The following GRM7 variants were observed in gnomAD, a reference collection of about 807,000 sequenced individuals.
The protein encoded by GRM7 is metabotropic glutamate receptor 7.
GRM7 carries 35 observed loss-of-function variants against 84.5 expected under a neutral mutation model. The observed-to-expected ratio is 0.41, with a 90% CI of 0.32 to 0.55. The LOEUF (loss-of-function observed/expected upper bound fraction) is 0.55. Ranked by LOEUF, GRM7 falls within the 20% of genes least tolerant of loss-of-function variation. GRM7 has a pLI of 0.19. For synonymous variants in GRM7, 487 were observed against 455.1 expected (o/e 1.07, Z -0.89); for missense variants, 1,003 against 1,194.6 (o/e 0.84, Z 2.36).
intron 1 of GRM7, among the ~76,000 whole-genome samples, chr3:6,988,163 AT>A (rs760807880): frequency 0.032 from 3,014 of 95,272 alleles, 45 homozygotes; most frequent in Non-Finnish European, 0.037. Flanking sequence ...CGCCTGGCTA[AT>A]TTTTTTTTTT....
At chr3:7,720,288 T>C (rs1701900585) in intron 9 of GRM7, among the ~76,000 whole-genome samples, 1 of 152,150 alleles carries the variant, frequency 6.6e-6, no homozygotes, top group African/African-American at 2.4e-5. Context: ...TTGAGGAATG[T>C]AAAAGTTAGG....
At chr3:7,656,543 G>GCACACA (rs140409240) in intron 8 of GRM7, among the ~76,000 whole-genome samples, 31,164 of 119,306 alleles carry the variant, frequency 0.26, 3,876 homozygotes, top group South Asian at 0.33. Flanking sequence ...ATATATACGC[G>GCACACA]CGCGCACACA....
At chr3:7,006,448 A>T (rs1695185131) in intron 1 of GRM7, among the ~76,000 whole-genome samples, 1 of 152,204 alleles carries the variant, frequency 6.6e-6, no homozygotes, top group African/African-American at 2.4e-5. Context: ...TGGTAAGTTG[A>T]TGTTCTTCCT....
At chr3:7,666,022 G>A (rs1366126401) in intron 8 of GRM7, among the ~76,000 whole-genome samples, 1 of 152,074 alleles carries the variant, frequency 6.6e-6, no homozygotes, top group African/African-American at 2.4e-5. Flanking sequence ...AAATTCTAGT[G>A]GGAGAGTAGG....
At chr3:7,426,328 A>C (rs557499209) in intron 5 of GRM7, among the ~76,000 whole-genome samples, 2 of 152,228 alleles carry the variant, frequency 1.3e-5, no homozygotes, top group East Asian at 3.9e-4. Context: ...TATGTTGGTC[A>C]GGTTTCTACA....
chr3:7,354,750 T>A (rs1170594931), intron 4 of GRM7, among the ~76,000 whole-genome samples: 1 of 152,172 alleles, frequency 6.6e-6, no homozygotes, highest in African/African-American at 2.4e-5. Context: ...GTACCAGATG[T>A]GGTTTTATTG....
intron 8 of GRM7, among the ~76,000 whole-genome samples, chr3:7,618,748 C>T (rs964737639): frequency 6.6e-6 from 1 of 152,142 alleles, no homozygotes; most frequent in African/African-American, 2.4e-5. Context: ...AATCTGCTCA[C>T]TCCTTTAGGA....
Position 7,098,663 on chromosome 3 carries a change from A to G in GRM7, c.520-47789A>G, listed in dbSNP as rs1030085132. 2.0e-5 allele frequency among the ~76,000 whole-genome samples: 3 copies of G among 152,050 alleles called. No homozygotes were observed. The East Asian group carries it at 5.8e-4, about 29-fold the overall frequency. ...TACTCTTCAGTAGGACTATAATTAT[A>G]GCTCTAGCAGAGAAAGCTGTTAAGA... On this transcript the variant is annotated intron_variant, in intron 1 of 9. Transcript: ENST00000357716.
chr3:7,606,984 AAAG>A lies in GRM7; in HGVS notation c.2451+27630_2451+27632del, dbSNP rs1452346297. 8 of 152,356 alleles carry A rather than the reference AAAG, an allele frequency of 5.3e-5. No individual in the cohort carries two copies. The East Asian group carries it at 1.5e-3, about 29-fold the overall frequency. 9.4% of individuals were successfully genotyped at this position (152,356 alleles called of 1,614,324 possible). ...CAGATGAAGATATTAGTCAGTAAAC[AAAG>A]AAAATAAGCTCATCAAAATTGAGAA... On this transcript the variant is annotated intron_variant, in intron 8 of 9. Transcript: ENST00000357716.
intron 4 of GRM7, among the ~76,000 whole-genome samples, chr3:7,317,605 A>G (rs1455643096): frequency 1.3e-5 from 2 of 152,130 alleles, no homozygotes; most frequent in African/African-American, 4.8e-5. Flanking sequence ...AACCTACATC[A>G]GTTACAGTGT....
intron 8 of GRM7, among the ~76,000 whole-genome samples, chr3:7,638,388 G>T (rs903231431): frequency 1.3e-5 from 2 of 152,046 alleles, no homozygotes; most frequent in Non-Finnish European, 2.9e-5. Context: ...ACTCTCTAAG[G>T]AAGACATCAG....
At chr3:7,271,552 C>T (rs1421814031) in intron 2 of GRM7, among the ~76,000 whole-genome samples, 15 of 116,704 alleles carry the variant, frequency 1.3e-4, no homozygotes, top group Admixed American at 3.2e-4. Context: ...GAGTGAGAGA[C>T]CGCCTCAAAT....
At chr3:7,232,624 G>A (rs775098405) in intron 2 of GRM7, among the ~76,000 whole-genome samples, 5 of 152,196 alleles carry the variant, frequency 3.3e-5, no homozygotes, top group Non-Finnish European at 5.9e-5. Flanking sequence ...CTTGCAGTTT[G>A]TAATGAGAGG....
chr3:7,260,673 T>TTG (rs71063292), intron 2 of GRM7, among the ~76,000 whole-genome samples: 4,339 of 144,352 alleles, frequency 0.03, 137 homozygotes, highest in African/African-American at 0.081. Flanking sequence ...TTCTTTTGAA[T>TTG]TGTGTGTGTG....
chr3:7,166,465 T>G (rs1553625783), intron 2 of GRM7, among the ~76,000 whole-genome samples: 1 of 152,178 alleles, frequency 6.6e-6, no homozygotes. Context: ...ATACTCTTTC[T>G]GAGATATCAA....
chr3:7,606,035 T>A (rs1696549331), intron 8 of GRM7, among the ~76,000 whole-genome samples: 1 of 152,222 alleles, frequency 6.6e-6, no homozygotes, highest in African/African-American at 2.4e-5. Flanking sequence ...AGACAAAGCA[T>A]AACCAAGACT....
chr3:7,150,967 G>C (rs941258107), intron 2 of GRM7, among the ~76,000 whole-genome samples: 2 of 151,982 alleles, frequency 1.3e-5, no homozygotes, highest in African/African-American at 2.4e-5. Flanking sequence ...AGCACAAATA[G>C]TAACAACTGT....
intron 1 of GRM7, among the ~76,000 whole-genome samples, chr3:7,043,239 G>A (rs575523476): frequency 6.6e-6 from 1 of 152,156 alleles, no homozygotes; most frequent in African/African-American, 2.4e-5. Flanking sequence ...GAAGCGGGGG[G>A]AGGGGGCATC....
intron 1 of GRM7, among the ~76,000 whole-genome samples, chr3:7,078,641 G>A (rs1023704373): frequency 7.9e-5 from 12 of 152,116 alleles, no homozygotes; most frequent in African/African-American, 2.9e-4. Context: ...TAAAATTAAA[G>A]CCAAACCATA....
Sources: gnomAD v4.1 joint callset for allele counts (sites outside exome capture counted in the v4.1 genomes callset) on GRCh38, gnomAD v4.1.1 for gene constraint, MANE v1.5 for transcripts, NCBI Gene and HGNC (gene_info 2026-07-23, HGNC 2026-07-21) for gene names.